HLCS: variants seen among roughly 807,000 people sequenced by gnomAD.
The protein encoded by HLCS is biotin--protein ligase.
Under a neutral mutation model 75.0 loss-of-function variants are expected in HLCS, and 53 were observed. That is an observed-to-expected ratio of 0.71 (90% CI 0.57 to 0.89). The LOEUF (loss-of-function observed/expected upper bound fraction) is 0.89, where lower values mean the gene tolerates loss of function less well. Ranked by LOEUF, HLCS falls within the 40% of genes least tolerant of loss-of-function variation. HLCS has a pLI of 0.00. For synonymous variants in HLCS, 431 were observed against 428.6 expected (o/e 1.01, Z -0.07); for missense variants, 966 against 1,074.0 (o/e 0.90, Z 1.41).
chr21:36,795,575 T>G (rs2061001511), intron 6 of HLCS, among the ~76,000 whole-genome samples: 1 of 152,208 alleles, frequency 6.6e-6, no homozygotes, highest in African/African-American at 2.4e-5. Context: ...AAACCAGAAA[T>G]TTGGGGCCAT....
chr21:36,783,396 T>G (rs1361371983), intron 6 of HLCS, among the ~76,000 whole-genome samples: 2 of 152,144 alleles, frequency 1.3e-5, no homozygotes, highest in African/African-American at 4.8e-5. Context: ...ACATTTCTTT[T>G]AAAAAATTTC....
At chr21:36,892,488 A>G (rs1485255886) in intron 6 of HLCS, among the ~76,000 whole-genome samples, 1 of 152,178 alleles carries the variant, frequency 6.6e-6, no homozygotes, top group African/African-American at 2.4e-5. Context: ...AGATTGCAAG[A>G]CCTCAACAGG....
intron 6 of HLCS, among the ~76,000 whole-genome samples, chr21:36,876,501 T>C (rs760759174): frequency 3.3e-5 from 5 of 152,246 alleles, no homozygotes; most frequent in Non-Finnish European, 7.3e-5. Context: ...TTGTGATTTC[T>C]TGCTTGACCA....
upstream of HLCS, among the ~76,000 whole-genome samples, chr21:36,966,815 AGGGGCGGGGGG>A (rs1295491130): frequency 6.5e-5 from 1 of 15,310 alleles, no homozygotes; most frequent in Non-Finnish European, 1.3e-4. Context: ...CTGCGGCGGG[AGGGGCGGGGGG>A]GGGTGAGGCC....
At chr21:36,895,051 T>A (rs887603673) in intron 6 of HLCS, among the ~76,000 whole-genome samples, 21 of 152,050 alleles carry the variant, frequency 1.4e-4, no homozygotes, top group African/African-American at 5.1e-4. Context: ...CGCGCTGCCC[T>A]CTTGGTGACG....
intron 2 of HLCS, among the ~76,000 whole-genome samples, chr21:36,946,958 G>C (rs2067429035): frequency 6.6e-6 from 1 of 152,198 alleles, no homozygotes; most frequent in African/African-American, 2.4e-5. Context: ...CGTCAGTTCA[G>C]GAAGATGAGA....
chr21:36,773,932 T>G (rs1361902411), intron 6 of HLCS, among the ~76,000 whole-genome samples: 2 of 152,196 alleles, frequency 1.3e-5, no homozygotes, highest in Non-Finnish European at 2.9e-5. Flanking sequence ...TTCTAAAAAG[T>G]TAAAACGCTA....
At chr21:36,933,442 T>G (rs1160389759) in intron 4 of HLCS, among the ~76,000 whole-genome samples, 2 of 151,356 alleles carry the variant, frequency 1.3e-5, no homozygotes. Flanking sequence ...TCCCAGTTAC[T>G]TGGGAGGCTG....
intron 6 of HLCS, among the ~76,000 whole-genome samples, chr21:36,876,465 A>T (rs1458153788): frequency 6.6e-6 from 1 of 152,208 alleles, no homozygotes; most frequent in Non-Finnish European, 1.5e-5. Flanking sequence ...GGTCTTATGC[A>T]GTTTCAAAAC....
chr21:36,831,129 C>T (rs965169444), intron 6 of HLCS, among the ~76,000 whole-genome samples: 5 of 152,140 alleles, frequency 3.3e-5, no homozygotes, highest in African/African-American at 4.8e-5. Context: ...AAACTCAACA[C>T]GTGATCCCAT....
In HLCS at chr21:36,886,290, G is replaced by A. The variant is rs113478443; in HGVS notation, c.1892+10570C>T. Among the ~76,000 whole-genome samples, 1,111 of 152,032 alleles carry A rather than the reference G, an allele frequency of 7.3e-3. 11 individuals are homozygous for A. The highest frequency in any genetic ancestry group is 0.026 in the African/African-American group (1,057 of 41,446). On this transcript the variant is annotated intron_variant, in intron 6 of 10. Coordinates refer to ENST00000674895, the MANE Select transcript of HLCS (RefSeq NM_001352514.2). Reference sequence around the variant, plus strand: ...ACTAAAAATACAAAAAAAATTAGCCGGGCGTGGTAGCAGGTGTCTGTAGTC... The same window carrying A: ...ACTAAAAATACAAAAAAAATTAGCCAGGCGTGGTAGCAGGTGTCTGTAGTC...
chr21:36,849,227 A>G (rs538291191), intron 6 of HLCS, among the ~76,000 whole-genome samples: 1 of 152,336 alleles, frequency 6.6e-6, no homozygotes, highest in African/African-American at 2.4e-5. Context: ...GGTTCTCAGA[A>G]ACATATCTGG....
chr21:36,788,394 G>T (rs1016393115), intron 6 of HLCS, among the ~76,000 whole-genome samples: 1 of 152,162 alleles, frequency 6.6e-6, no homozygotes, highest in Non-Finnish European at 1.5e-5. Flanking sequence ...TAGGGCTGAC[G>T]GGCCTCCAGA....
At chr21:36,953,118 T>C (rs367919053) in intron 2 of HLCS, among the ~76,000 whole-genome samples, 1 of 152,154 alleles carries the variant, frequency 6.6e-6, no homozygotes, top group Non-Finnish European at 1.5e-5. Flanking sequence ...TTTTTTAATT[T>C]ACTAATTTTT....
At chr21:36,796,407 A>T (rs2061026293) in intron 6 of HLCS, among the ~76,000 whole-genome samples, 1 of 152,248 alleles carries the variant, frequency 6.6e-6, no homozygotes, top group African/African-American at 2.4e-5. Flanking sequence ...GCCCTAGGTC[A>T]GTCCAAATGA....
chr21:36,889,398 C>T (rs1162835168), intron 6 of HLCS, among the ~76,000 whole-genome samples: 5 of 152,288 alleles, frequency 3.3e-5, no homozygotes, highest in East Asian at 3.9e-4. Context: ...TCAAAAAAGA[C>T]GCTATTGGCC....
At chr21:36,940,607 T>C (rs1184202575) in intron 2 of HLCS, among the ~76,000 whole-genome samples, 1 of 152,180 alleles carries the variant, frequency 6.6e-6, no homozygotes. Context: ...GACTAGATAA[T>C]AGTGAACTTC....
At chr21:36,960,475 T>C (rs144059381) in intron 2 of HLCS, among the ~76,000 whole-genome samples, 4 of 152,250 alleles carry the variant, frequency 2.6e-5, no homozygotes, top group African/African-American at 9.6e-5. Flanking sequence ...GAACGTACTG[T>C]CTTAACACAC....
At chr21:36,900,463 C>G (rs1346694067) in intron 5 of HLCS, among the ~76,000 whole-genome samples, 1 of 152,110 alleles carries the variant, frequency 6.6e-6, no homozygotes, top group African/African-American at 2.4e-5. Context: ...GCCAGAAAGG[C>G]AGAGGGGGTG....
Sources: gnomAD v4.1 joint callset for allele counts (sites outside exome capture counted in the v4.1 genomes callset) on GRCh38, gnomAD v4.1.1 for gene constraint, MANE v1.5 for transcripts, NCBI Gene and HGNC (gene_info 2026-07-23, HGNC 2026-07-21) for gene names.